Variants in SLC4A5 observed in about 807,000 individuals in gnomAD.
SLC4A5 encodes the protein electrogenic sodium bicarbonate cotransporter 4.
In SLC4A5, 96 loss-of-function variants were observed where a neutral mutation model predicts 120.4. The ratio of observed to expected loss-of-function variants is 0.80; its 90% CI spans 0.68 to 0.94. The LOEUF (loss-of-function observed/expected upper bound fraction) is 0.94, where lower values mean the gene tolerates loss of function less well. Among genes scored for constraint, SLC4A5 ranks in the 40% least tolerant of loss-of-function variants. The pLI is 0.00. For missense variants in SLC4A5, 1,259 were observed against 1,459.5 expected (o/e 0.86, Z 2.24); for synonymous variants, 550 against 571.1 (o/e 0.96, Z 0.53).
intron 8 of SLC4A5, among the ~76,000 whole-genome samples, chr2:74,275,002 C>T (rs1671593776): frequency 6.6e-6 from 1 of 152,190 alleles, no homozygotes; most frequent in Non-Finnish European, 1.5e-5. Context: ...TTAGATTGTT[C>T]TGCAATGAAC....
At chr2:74,329,337 C>T (rs1320972215) in intron 4 of SLC4A5, among the ~76,000 whole-genome samples, 2 of 151,778 alleles carry the variant, frequency 1.3e-5, no homozygotes, top group African/African-American at 4.8e-5. Context: ...CGCCCGTAAT[C>T]CCAGCACTTT....
intron 27 of SLC4A5, 28 bp from the exon 28 acceptor site, chr2:74,225,023 T>C (rs1460383230): frequency 1.3e-6 from 2 of 1,594,018 alleles, no homozygotes; most frequent in African/African-American, 1.4e-5. Context: ...TAAAGTTTTG[T>C]GAGAATTTGG....
At chr2:74,294,263 C>G (rs899286379) in intron 7 of SLC4A5, among the ~76,000 whole-genome samples, 1 of 152,170 alleles carries the variant, frequency 6.6e-6, no homozygotes, top group Non-Finnish European at 1.5e-5. Flanking sequence ...GGGCAACAAC[C>G]TCAGTGTGAA....
exon 31 of SLC4A5, chr2:74,216,949 T>G (rs1694464304): frequency 6.6e-6 from 1 of 152,226 alleles, no homozygotes; most frequent in Admixed American, 6.5e-5. Context: ...CTGGAAATTC[T>G]AAGAAATTCT....
intron 22 of SLC4A5, among the ~76,000 whole-genome samples, chr2:74,234,037 TATATAAAAAGAC>T (rs1670186202): frequency 6.6e-6 from 1 of 151,734 alleles, no homozygotes; most frequent in Non-Finnish European, 1.5e-5. Context: ...ATGAGGAGAA[TATATAAAAAGAC>T]TTTGTCTCAA....
intron 4 of SLC4A5, among the ~76,000 whole-genome samples, chr2:74,332,330 A>T (rs1673383453): frequency 6.7e-6 from 1 of 148,198 alleles, no homozygotes. Context: ...AGCAAAATAA[A>T]CATACATTGA....
rs867084207 is a variant in SLC4A5, at chr2:74,318,834, T to G, written c.-2-3809A>C. Among the ~76,000 whole-genome samples, 12 of 152,218 alleles carry G rather than the reference T, an allele frequency of 7.9e-5. No individual in the cohort carries two copies. In the Middle Eastern group the frequency reaches 0.01, roughly 129 times the overall value. On this transcript the variant is annotated intron_variant, in intron 5 of 30. Coordinates refer to ENST00000394019, the Ensembl canonical transcript of SLC4A5. ...ACTAAAAATAAAACTACCATTTGAT[T>G]CAGCAATCCCACTGCTGGTATATGC...
At position 74,312,241 on chromosome 2, in the gene SLC4A5, A is replaced by ATGTGTGTG. The variant is rs1322936461; in HGVS notation, c.79+2703_79+2704insCACACACA. Among the ~76,000 whole-genome samples the ATGTGTGTG allele has an allele frequency of 1.2e-3, 168 of 140,036 alleles. 1 individual carries two copies. Among genetic ancestry groups the ATGTGTGTG allele is most frequent in the African/African-American group, 4.1e-3 (158 of 38,862 alleles). The allele number at this position is 140,036 out of a possible 152,430, so 91.9% of individuals were successfully genotyped here. On this transcript the variant is annotated intron_variant, in intron 6 of 30. Coordinates refer to ENST00000394019, the Ensembl canonical transcript of SLC4A5. ...TCTATATCTCTATATGTGTGTGTGT[A>ATGTGTGTG]TATGTGTGTGTGTGTGTGTGTGTGT...
rs182928350 is a variant in SLC4A5 at position 74,238,027 on chromosome 2, G to A, written c.2319+1308C>T. On this transcript the variant is annotated intron_variant, in intron 21 of 30. Coordinates refer to ENST00000394019, the Ensembl canonical transcript of SLC4A5. ...TGAGGCAGGAGAATCACTTGAACCC[G>A]GGAGGCGGAGGTTGCAGTGAGCCGA... is the stretch of plus-strand genomic sequence containing the variant. Among the ~76,000 whole-genome samples the A allele has an allele frequency of 6.3e-3, 960 of 152,126 alleles. 14 individuals carry two copies. The highest frequency in any genetic ancestry group is 0.022 in the African/African-American group (901 of 41,468).
intron 20 of SLC4A5, among the ~76,000 whole-genome samples, chr2:74,241,727 G>A (rs1156400464): frequency 5.7e-5 from 8 of 139,378 alleles, no homozygotes; most frequent in Non-Finnish European, 1.2e-4. Context: ...GGGCAACACA[G>A]TGAGACCCTG....
At chr2:74,313,014 TC>T (rs1462423349) in intron 6 of SLC4A5, among the ~76,000 whole-genome samples, 12 of 149,396 alleles carry the variant, frequency 8.0e-5, no homozygotes, top group East Asian at 1.9e-4. Context: ...GTGGCACTTG[TC>T]CTTTTTTTTT....
chr2:74,229,918 G>C (rs952085471), intron 25 of SLC4A5, among the ~76,000 whole-genome samples: 1 of 140,482 alleles, frequency 7.1e-6, no homozygotes, highest in Admixed American at 7.6e-5. Flanking sequence ...GTCTCACTCT[G>C]TTGCCCAGGC....
intron 5 of SLC4A5, among the ~76,000 whole-genome samples, chr2:74,316,502 C>T (rs1319189833): frequency 6.6e-6 from 1 of 152,040 alleles, no homozygotes; most frequent in Admixed American, 6.6e-5. Flanking sequence ...CTCCCTTTTG[C>T]AGTGTAGACA....
At chr2:74,282,425 C>T (rs1671842736) in intron 8 of SLC4A5, among the ~76,000 whole-genome samples, 1 of 152,258 alleles carries the variant, frequency 6.6e-6, no homozygotes, top group Non-Finnish European at 1.5e-5. Flanking sequence ...CTTCTCACTG[C>T]TGGTTGGAGC....
At chr2:74,259,762 T>C in intron 11 of SLC4A5, 119 bp from the exon 12 acceptor site, 2 of 904,692 alleles carry the variant, frequency 2.2e-6, no homozygotes, top group South Asian at 1.3e-5. Context: ...TCCCTCCCCC[T>C]TAATCCTGCA....
At chr2:74,267,412 A>T (rs1671339481) in intron 8 of SLC4A5, among the ~76,000 whole-genome samples, 1 of 152,258 alleles carries the variant, frequency 6.6e-6, no homozygotes, top group Non-Finnish European at 1.5e-5. Flanking sequence ...TTTTCAGTAG[A>T]AGCATGATTA....
chr2:74,254,623 T>A, exon 14 of SLC4A5: 1 of 1,613,828 alleles, frequency 6.2e-7, no homozygotes, highest in Non-Finnish European at 8.5e-7. Flanking sequence ...ACTTACATCA[T>A]CTACCATGAG....
At chr2:74,285,680 A>G in intron 8 of SLC4A5, 93 bp downstream of exon 8, 12 of 1,480,764 alleles carry the variant, frequency 8.1e-6, no homozygotes, top group Admixed American at 2.0e-5. Context: ...GAAGCTCTCA[A>G]GGTACAAGGT....
chr2:74,300,217 T>C (rs1672437752), intron 7 of SLC4A5, among the ~76,000 whole-genome samples: 6 of 152,162 alleles, frequency 3.9e-5, no homozygotes, highest in Admixed American at 3.9e-4. Context: ...ATGTGGAAGA[T>C]GGGGAGATGT....
Sources: allele counts gnomAD v4.1 joint callset (sites outside exome capture counted in the v4.1 genomes callset), GRCh38; gene constraint gnomAD v4.1.1; transcripts MANE v1.5; gene names NCBI Gene and HGNC (gene_info 2026-07-23, HGNC 2026-07-21).